The following ANKRD6 variants were observed in gnomAD, a reference collection of about 807,000 sequenced individuals.
The protein encoded by ANKRD6 is ankyrin repeat domain-containing protein 6.
A neutral mutation model predicts 82.3 loss-of-function variants in ANKRD6; 56 were observed. The ratio of observed to expected loss-of-function variants is 0.68; its 90% CI spans 0.55 to 0.85. The LOEUF (loss-of-function observed/expected upper bound fraction) is 0.85, where lower values mean the gene tolerates loss of function less well. ANKRD6 is among the 40% of genes least tolerant of loss of function. The pLI, the probability that ANKRD6 is intolerant of heterozygous loss-of-function variation, is 0.00. For synonymous variants in ANKRD6, 347 were observed against 352.1 expected, an observed-to-expected ratio of 0.99 and a Z score of 0.16; for missense variants, 852 against 907.6, an observed-to-expected ratio of 0.94 and a Z score of 0.79.
intron 1 of ANKRD6, among the ~76,000 whole-genome samples, chr6:89,478,856 G>A (rs1776420401): frequency 6.6e-6 from 1 of 151,678 alleles, no homozygotes; most frequent in Non-Finnish European, 1.5e-5. Flanking sequence ...GAGACATAGA[G>A]AAGATGGCCA....
intron 2 of ANKRD6, among the ~76,000 whole-genome samples, chr6:89,587,500 A>G (rs926562426): frequency 6.6e-6 from 1 of 152,174 alleles, no homozygotes; most frequent in Non-Finnish European, 1.5e-5. Flanking sequence ...AAAACAAACA[A>G]AAAAGGAATT....
intron 1 of ANKRD6, among the ~76,000 whole-genome samples, chr6:89,485,089 C>T (rs1582859007): frequency 6.6e-6 from 1 of 152,188 alleles, no homozygotes; most frequent in East Asian, 1.9e-4. Context: ...ATGCCCCAGA[C>T]TGTCTCACCC....
intron 1 of ANKRD6, among the ~76,000 whole-genome samples, chr6:89,478,815 T>G: frequency 6.8e-6 from 1 of 148,130 alleles, no homozygotes; most frequent in East Asian, 2.0e-4. Context: ...TTAAAAGAAA[T>G]GAGACATACA....
At chr6:89,616,767 G>T in intron 8 of ANKRD6, 110 bp downstream of exon 8, 1 of 1,084,936 alleles carries the variant, frequency 9.2e-7, no homozygotes, top group East Asian at 2.5e-5. Flanking sequence ...TGGAAGACGG[G>T]GGATCTCTGC....
chr6:89,452,309 C>A (rs1440499746), intron 1 of ANKRD6, among the ~76,000 whole-genome samples: 1 of 152,178 alleles, frequency 6.6e-6, no homozygotes, highest in African/African-American at 2.4e-5. Flanking sequence ...CAAGAGAAAA[C>A]ATTTTCCCCA....
intron 3 of ANKRD6, among the ~76,000 whole-genome samples, chr6:89,596,597 A>G (rs1197324586): frequency 6.6e-6 from 1 of 152,134 alleles, no homozygotes; most frequent in East Asian, 1.9e-4. Flanking sequence ...TTATTGAGAC[A>G]TGGCCATCAA....
intron 1 of ANKRD6, among the ~76,000 whole-genome samples, chr6:89,436,375 T>C (rs6940329): frequency 0.053 from 8,034 of 152,312 alleles, 302 homozygotes; most frequent in Non-Finnish European, 0.079. Context: ...TGATCTACTG[T>C]TGAAACTGCA....
At chr6:89,545,567 G>A (rs1784990424) in intron 1 of ANKRD6, among the ~76,000 whole-genome samples, 1 of 152,162 alleles carries the variant, frequency 6.6e-6, no homozygotes, top group Non-Finnish European at 1.5e-5. Flanking sequence ...GGTCAGATAA[G>A]TACTTCATTT....
rs1266937957 is a variant in ANKRD6 at position 89,492,220 on chromosome 6, G to C, written c.-144+58845G>C. Among the ~76,000 whole-genome samples the C allele has an allele frequency of 2.6e-5, 4 of 152,294 alleles. No homozygotes were observed. The East Asian group carries it at 5.8e-4, about 22-fold the overall frequency. On this transcript the variant is annotated intron_variant, in intron 1 of 15. Transcript: ENST00000339746. ...GGGCTGGGAGACAGAGCCCTGTTTGGGAAGAGAGAAGGGAGCAGCCTGGCC... is the reference window on the plus strand; with the variant it reads ...GGGCTGGGAGACAGAGCCCTGTTTGCGAAGAGAGAAGGGAGCAGCCTGGCC...
chr6:89,556,711 T>C (rs868304721), intron 1 of ANKRD6, among the ~76,000 whole-genome samples: 1 of 152,356 alleles, frequency 6.6e-6, no homozygotes, highest in South Asian at 2.1e-4. Flanking sequence ...AAGGAACATC[T>C]AAACAGTAAC....
chr6:89,605,439 C>G (rs1202333307), intron 4 of ANKRD6, among the ~76,000 whole-genome samples: 1 of 152,162 alleles, frequency 6.6e-6, no homozygotes, highest in Non-Finnish European at 1.5e-5. Flanking sequence ...TCACTGTTTC[C>G]TCAGTCCCTG....
At chr6:89,571,637 A>G (rs1789930512) in intron 2 of ANKRD6, among the ~76,000 whole-genome samples, 1 of 152,036 alleles carries the variant, frequency 6.6e-6, no homozygotes, top group Admixed American at 6.5e-5. Flanking sequence ...TTTTAGATTC[A>G]CAGCAAAATT....
chr6:89,549,462 T>C (rs906672890), intron 1 of ANKRD6, among the ~76,000 whole-genome samples: 1 of 135,234 alleles, frequency 7.4e-6, no homozygotes, highest in Non-Finnish European at 1.5e-5. Flanking sequence ...CCTTGCAAGA[T>C]GATAGCTTCT....
intron 1 of ANKRD6, among the ~76,000 whole-genome samples, chr6:89,512,759 C>T (rs1375336692): frequency 1.3e-5 from 2 of 152,198 alleles, no homozygotes; most frequent in South Asian, 2.1e-4. Flanking sequence ...CAATTTTAAT[C>T]AGATACTGAT....
intron 3 of ANKRD6, among the ~76,000 whole-genome samples, chr6:89,599,054 T>G (rs1796510731): frequency 6.6e-6 from 1 of 152,010 alleles, no homozygotes; most frequent in Non-Finnish European, 1.5e-5. Context: ...ATGAGAGAAT[T>G]AGACTTGGCA....
At chr6:89,600,841 G>A (rs1315219755) in intron 3 of ANKRD6, among the ~76,000 whole-genome samples, 2 of 150,154 alleles carry the variant, frequency 1.3e-5, no homozygotes, top group African/African-American at 4.9e-5. Flanking sequence ...TTCAAGTCCA[G>A]CCTGGCCAAC....
intron 2 of ANKRD6, among the ~76,000 whole-genome samples, chr6:89,594,987 A>G (rs968793488): frequency 6.6e-6 from 1 of 152,216 alleles, no homozygotes; most frequent in Admixed American, 6.5e-5. Flanking sequence ...CCTGGCATCA[A>G]GTGATCCTCC....
chr6:89,610,234 C>T (rs974368577), intron 5 of ANKRD6, among the ~76,000 whole-genome samples: 3 of 152,174 alleles, frequency 2.0e-5, no homozygotes, highest in African/African-American at 7.2e-5. Context: ...TCCATTGCCC[C>T]TTAATGTTCC....
intron 2 of ANKRD6, among the ~76,000 whole-genome samples, chr6:89,590,778 A>G (rs1794725158): frequency 6.6e-6 from 1 of 152,198 alleles, no homozygotes; most frequent in African/African-American, 2.4e-5. Context: ...GACTCCAGTT[A>G]GCTGCTGTAT....
Sources: gnomAD v4.1 joint callset for allele counts (sites outside exome capture counted in the v4.1 genomes callset) on GRCh38, gnomAD v4.1.1 for gene constraint, MANE v1.5 for transcripts, NCBI Gene and HGNC (gene_info 2026-07-23, HGNC 2026-07-21) for gene names.